TOP2B: variants seen among roughly 807,000 people sequenced by gnomAD.
TOP2B encodes DNA topoisomerase II beta.
A neutral mutation model predicts 193.5 loss-of-function variants in TOP2B; 51 were observed. The observed-to-expected ratio is 0.26, with a 90% CI of 0.21 to 0.33. The LOEUF is 0.33. Ranked by LOEUF, TOP2B falls within the 10% of genes least tolerant of loss-of-function variation. TOP2B has a pLI of 1.00. For missense variants in TOP2B, 1,378 were observed against 1,909.3 expected (o/e 0.72, Z 5.19); for synonymous variants, 634 against 635.7 (o/e 1.00, Z 0.04).
intron 27 of TOP2B, 85 bp downstream of exon 27, chr3:25,615,115 TAAAGA>T (rs1276657508): frequency 7.0e-6 from 8 of 1,147,974 alleles, no homozygotes; most frequent in Non-Finnish European, 9.9e-6. Flanking sequence ...TTCACAGAGT[TAAAGA>T]AAACTTTAAG....
chr3:25,626,883 C>T lies in TOP2B; in HGVS notation c.2017-19G>A, dbSNP rs181494177. ...TAAATGCCTGAAAGATTCCAGGTAA[C>T]GATTTTGCACATTAAAAATAAAATA... On this transcript the variant is annotated intron_variant, in intron 16 of 35. Coordinates refer to ENST00000264331, the MANE Select transcript of TOP2B (RefSeq NM_001330700.2). 378 of 1,395,538 alleles carry T rather than the reference C, an allele frequency of 2.7e-4. 3 individuals carry two copies. The highest frequency in any genetic ancestry group is 9.8e-5 in the Non-Finnish European group (99 of 1,011,878). 86.4% of individuals were successfully genotyped at this position (1,395,538 alleles called of 1,614,324 possible).
At chr3:25,663,933 G>C (rs1014848542) in intron 1 of TOP2B, among the ~76,000 whole-genome samples, 2 of 143,780 alleles carry the variant, frequency 1.4e-5, no homozygotes, top group Non-Finnish European at 3.0e-5. Flanking sequence ...GAAGAGTCTG[G>C]TTAAAAAGAA....
chr3:25,661,671 C>A lies in TOP2B; in HGVS notation c.69+2558G>T, dbSNP rs147366905. Among the ~76,000 whole-genome samples the A allele has an allele frequency of 1.7e-3, 257 of 152,218 alleles. 4 individuals are homozygous for A. The highest frequency in any genetic ancestry group is 0.014 in the East Asian group (72 of 5,182). On this transcript the variant is annotated intron_variant, in intron 1 of 35. Transcript: ENST00000264331. ...TCACTTTTTTTAATTATAAAAAATT[C>A]TGGTTGAGATACTCCTACAAATCAA... is the stretch of plus-strand genomic sequence containing the variant.
At chr3:25,603,806 C>A (rs113098591) in intron 33 of TOP2B, among the ~76,000 whole-genome samples, 6 of 152,348 alleles carry the variant, frequency 3.9e-5, no homozygotes, top group African/African-American at 1.4e-4. Context: ...AGTTGGCTCA[C>A]ATGAGAGGCA....
intron 32 of TOP2B, among the ~76,000 whole-genome samples, chr3:25,605,162 C>T (rs1320753504): frequency 6.6e-6 from 1 of 152,002 alleles, no homozygotes; most frequent in Non-Finnish European, 1.5e-5. Flanking sequence ...ATACATGCTG[C>T]CAATTTATTT....
Position 25,664,445 on chromosome 3 carries a change from G to A in TOP2B, c.-148C>T, listed in dbSNP as rs1394240637. ...CCCCGCGCCCCATCGCGAAGATCCG[G>A]AGCGGACGTCCAGCCGAGCCCGCTG... On this transcript the variant is annotated 5_prime_UTR_variant, in exon 1 of 36. Coordinates refer to ENST00000264331, the MANE Select transcript of TOP2B (RefSeq NM_001330700.2). 2 of 1,250,686 alleles carry A rather than the reference G, an allele frequency of 1.6e-6. No homozygotes were observed. Among genetic ancestry groups the A allele is most frequent in the African/African-American group, 3.2e-5 (2 of 63,384 alleles). The allele number at this position is 1,250,686 out of a possible 1,614,324, so 77.5% of individuals were successfully genotyped here. A position where few individuals can be genotyped will look rare whatever the true frequency, so the allele number is the denominator to read the frequency against.
At chr3:25,637,661 A>G (rs1445949471) in intron 5 of TOP2B, among the ~76,000 whole-genome samples, 1 of 152,020 alleles carries the variant, frequency 6.6e-6, no homozygotes, top group African/African-American at 2.4e-5. Context: ...ATTTTAATCT[A>G]TATCATTTCC....
intron 1 of TOP2B, among the ~76,000 whole-genome samples, chr3:25,655,867 C>G (rs1457745921): frequency 6.6e-6 from 1 of 152,008 alleles, no homozygotes; most frequent in African/African-American, 2.4e-5. Context: ...GGTGGTTAAC[C>G]AAGGGCTGGG....
In TOP2B at chr3:25,624,934, G is replaced by T. The variant is rs1210686648; in HGVS notation, c.2225-131C>A. The T allele has an allele frequency of 7.3e-5, 61 of 833,792 alleles. No homozygotes were observed. In the South Asian group the frequency reaches 1.1e-3, roughly 15 times the overall value. The allele number at this position is 833,792 out of a possible 1,614,324, so 51.6% of individuals were successfully genotyped here. ...TTGTTACTTGAGATTCTGTAACAAA[G>T]TGAGTACATACTAACACGTTTGTTT... On this transcript the variant is annotated intron_variant, in intron 18 of 35. Coordinates refer to ENST00000264331, the MANE Select transcript of TOP2B (RefSeq NM_001330700.2).
At chr3:25,653,570 C>T (rs1703657969) in intron 1 of TOP2B, among the ~76,000 whole-genome samples, 1 of 152,038 alleles carries the variant, frequency 6.6e-6, no homozygotes, top group Non-Finnish European at 1.5e-5. Context: ...GCTAGTACTA[C>T]AACTGTGTGC....
intron 35 of TOP2B, among the ~76,000 whole-genome samples, chr3:25,599,173 T>TA (rs1702020231): frequency 2.6e-5 from 4 of 152,168 alleles, no homozygotes; most frequent in African/African-American, 9.7e-5. Flanking sequence ...GAGTCTAATA[T>TA]TTAGGTAGCA....
Position 25,609,641 on chromosome 3 carries a change from T to C in TOP2B, c.3858A>G (p.Ala1286=). The change falls in exon 29 of 36, where the codon GCA becomes GCG. Residue 1286 remains alanine, a synonymous_variant. Coordinates refer to ENST00000264331, the MANE Select transcript of TOP2B (RefSeq NM_001330700.2). ...EEFSGAPVEG[A]GEEALTPSVP... ...CTGATGGAGTCAATGCCTCTTCTCC[T>C]GCACCTTCTACTGGTGCTCCACTGA... 6.4e-7 allele frequency: 1 copy of C among 1,574,026 alleles called. No individual in the cohort carries two copies. The highest frequency in any genetic ancestry group is 8.6e-7 in the Non-Finnish European group (1 of 1,162,048).
chr3:25,653,361 A>G (rs1205736123), intron 1 of TOP2B, among the ~76,000 whole-genome samples: 1 of 152,136 alleles, frequency 6.6e-6, no homozygotes, highest in Non-Finnish European at 1.5e-5. Context: ...CTGATGCAAA[A>G]AATCCCCCCA....
chr3:25,645,176 C>T, intron 2 of TOP2B, 124 bp downstream of exon 2: 2 of 914,852 alleles, frequency 2.2e-6, no homozygotes, highest in Non-Finnish European at 3.2e-6. Context: ...TTTCACCCTA[C>T]TTTGACTATG....
At chr3:25,624,021 T>C (rs1358123998) in intron 20 of TOP2B, among the ~76,000 whole-genome samples, 1 of 152,212 alleles carries the variant, frequency 6.6e-6, no homozygotes, top group Admixed American at 6.5e-5. Flanking sequence ...GAATTTCCTA[T>C]TACTCTAAAT....
At chr3:25,602,417 A>AAAAAAAAAAAAAAAAAG (rs1702123776) in intron 33 of TOP2B, among the ~76,000 whole-genome samples, 2 of 69,828 alleles carry the variant, frequency 2.9e-5, no homozygotes, top group African/African-American at 1.6e-4. Context: ...AAAGAAAAAG[A>AAAAAAAAAAAAAAAAAG]AAAAAAAAAA....
rs1444317823 is a variant in TOP2B at position 25,663,622 on chromosome 3, T to C, written c.69+607A>G. Among the ~76,000 whole-genome samples the C allele has an allele frequency of 1.3e-5, 2 of 152,266 alleles. 1 individual carries two copies. Among genetic ancestry groups the C allele is most frequent in the African/African-American group, 4.8e-5 (2 of 41,550 alleles). On this transcript the variant is annotated intron_variant, in intron 1 of 35. Transcript: ENST00000264331. ...ATGCTGACGTAGACAAGCACTTCTT[T>C]TAATAATCTCACCCTGACAGAGGGA...
At chr3:25,661,527 T>C (rs912835271) in intron 1 of TOP2B, among the ~76,000 whole-genome samples, 2 of 152,208 alleles carry the variant, frequency 1.3e-5, no homozygotes, top group African/African-American at 2.4e-5. Context: ...ACCAGACTAT[T>C]ACTATCTACT....
At chr3:25,622,587 C>T (rs1275158654) in intron 21 of TOP2B, among the ~76,000 whole-genome samples, 2 of 149,568 alleles carry the variant, frequency 1.3e-5, no homozygotes, top group African/African-American at 4.9e-5. Flanking sequence ...TGGAGGAGGT[C>T]TGAGCAGAGT....
Sources: allele counts gnomAD v4.1 joint callset (sites outside exome capture counted in the v4.1 genomes callset), GRCh38; gene constraint gnomAD v4.1.1; transcripts MANE v1.5; gene names NCBI Gene and HGNC (gene_info 2026-07-23, HGNC 2026-07-21).